The following APBA2 variants were observed in gnomAD, a reference collection of about 807,000 sequenced individuals.
The protein encoded by APBA2 is amyloid beta precursor protein binding family A member 2.
Under a neutral mutation model 75.0 loss-of-function variants are expected in APBA2, and 30 were observed. The observed-to-expected ratio is 0.40, with a 90% CI of 0.30 to 0.54. The LOEUF is 0.54. APBA2 is among the 20% of genes least tolerant of loss of function. APBA2 has a pLI of 0.49. For missense variants in APBA2, 801 were observed against 1,016.1 expected (o/e 0.79, Z 2.88); for synonymous variants, 444 against 409.6 (o/e 1.08, Z -1.01).
intron 3 of APBA2, among the ~76,000 whole-genome samples, chr15:29,028,234 T>C (rs947290458): frequency 6.6e-6 from 1 of 152,102 alleles, no homozygotes; most frequent in Non-Finnish European, 1.5e-5. Context: ...CTCCCACTTA[T>C]AAGTGAGAAC....
At chr15:28,896,628 A>C (rs1391202458) in intron 1 of APBA2, among the ~76,000 whole-genome samples, 1 of 152,126 alleles carries the variant, frequency 6.6e-6, no homozygotes, top group East Asian at 1.9e-4. Context: ...TATTTAATCC[A>C]TTGTGTTTCA....
chr15:29,074,867 A>G (rs1324248755), intron 4 of APBA2, 54 bp from the exon 5 acceptor site: 2 of 1,552,626 alleles, frequency 1.3e-6, no homozygotes, highest in Non-Finnish European at 1.8e-6. Context: ...CAGGTTTTGC[A>G]TCTTGCATTT....
In APBA2 at chr15:28,980,785, C is replaced by G. The variant is rs72716206; in HGVS notation, c.-94-14968C>G. Among the ~76,000 whole-genome samples, 264 of 152,312 alleles carry G rather than the reference C, an allele frequency of 1.7e-3. 2 individuals carry two copies. The highest frequency in any genetic ancestry group is 3.4e-3 in the Non-Finnish European group (228 of 68,024). ...GAGGCACCAATTACCAAACTTCAAA[C>G]TATACTACGAGGCTGCAGTAACCAA... On this transcript the variant is annotated intron_variant, in intron 2 of 14. Coordinates refer to ENST00000683413, the MANE Select transcript of APBA2 (RefSeq NM_001353788.2).
intron 1 of APBA2, among the ~76,000 whole-genome samples, chr15:28,915,969 T>C (rs1387163470): frequency 6.6e-6 from 1 of 152,080 alleles, no homozygotes; most frequent in Non-Finnish European, 1.5e-5. Context: ...ACATACTCTG[T>C]ATCTGACGCA....
At chr15:29,060,548 T>G (rs1814512125) in intron 4 of APBA2, among the ~76,000 whole-genome samples, 1 of 152,136 alleles carries the variant, frequency 6.6e-6, no homozygotes, top group African/African-American at 2.4e-5. Context: ...TTCTCCTCTG[T>G]TGTCTGTTTC....
In APBA2 at chr15:29,108,533, T is replaced by A. The variant is rs1025149105; in HGVS notation, c.2037+144T>A. On this transcript the variant is annotated intron_variant, in intron 13 of 14. Coordinates refer to ENST00000683413, the MANE Select transcript of APBA2 (RefSeq NM_001353788.2). ...TGCAGCTGCCCACAGCCAGGCCACC[T>A]GGGGCAGGAACTTTCCATGGCTCTC... The A allele has an allele frequency of 3.8e-6, 5 of 1,320,196 alleles. No individual in the cohort carries two copies. The African/African-American group carries it at 4.3e-5, about 11-fold the overall frequency. 81.8% of individuals were successfully genotyped at this position (1,320,196 alleles called of 1,614,324 possible). A position where few individuals can be genotyped will look rare whatever the true frequency, so the allele number is the denominator to read the frequency against.
At chr15:29,026,804 C>T (rs1316652270) in intron 3 of APBA2, among the ~76,000 whole-genome samples, 1 of 152,108 alleles carries the variant, frequency 6.6e-6, no homozygotes, top group Non-Finnish European at 1.5e-5. Flanking sequence ...GCCCATACTC[C>T]CAGCTACTCA....
chr15:29,115,000 G>A (rs1176244640), intron 14 of APBA2, among the ~76,000 whole-genome samples: 1 of 151,784 alleles, frequency 6.6e-6, no homozygotes, highest in Non-Finnish European at 1.5e-5. Flanking sequence ...GTGTGAGTGG[G>A]TGTGTCTGTG....
chr15:29,117,994 C>T lies in APBA2; in HGVS notation c.*861C>T, dbSNP rs571183847. 92 of 152,644 alleles carry T rather than the reference C, an allele frequency of 6.0e-4. No individual in the cohort carries two copies. The highest frequency in any genetic ancestry group is 2.2e-3 in the African/African-American group (91 of 41,570). 9.5% of individuals were successfully genotyped at this position (152,644 alleles called of 1,614,324 possible). Reference sequence around the variant, plus strand: ...CCACTCTAGAAAACGCGACCTTGGCCGCACCTAAAGCAGCCAGCCGTGAGT... The same window carrying T: ...CCACTCTAGAAAACGCGACCTTGGCTGCACCTAAAGCAGCCAGCCGTGAGT... On this transcript the variant is annotated 3_prime_UTR_variant, in exon 15 of 15. Transcript: ENST00000683413.
intron 4 of APBA2, chr15:29,070,940 G>C: frequency 2.6e-6 from 1 of 389,282 alleles, no homozygotes; most frequent in Non-Finnish European, 5.1e-6. Context: ...CTCTGTCACA[G>C]GGTTACGTTT....
chr15:28,983,444 C>A (rs1171614659), intron 2 of APBA2, among the ~76,000 whole-genome samples: 1 of 152,182 alleles, frequency 6.6e-6, no homozygotes, highest in Admixed American at 6.5e-5. Context: ...CCATGCGTGA[C>A]AATTCTGTGT....
Position 29,101,644 on chromosome 15 carries a change from G to A in APBA2, c.1384G>A (p.Asp462Asn), listed in dbSNP as rs1351720611. 2 of 1,613,600 alleles carry A rather than the reference G, an allele frequency of 1.2e-6. No individual in the cohort carries two copies. The highest frequency in any genetic ancestry group is 1.3e-5 in the African/African-American group (1 of 74,930). Residue 462 changes from aspartate to asparagine, a missense_variant, in exon 10 of 15, where the codon GAC (aspartate) becomes AAC (asparagine). This residue lies in a region of APBA2 where 367 missense variants were observed against 544.5 expected (regional missense o/e 0.67). Coordinates refer to ENST00000683413, the MANE Select transcript of APBA2 (RefSeq NM_001353788.2). ...CTTGCGTACCATCTCCTACATCGCC[G>A]ACATTGGGAACATTGTAGTGCTGAT... ...HALRTISYIA[D>N]IGNIVVLMAR...
chr15:29,075,065 C>A (rs551513792), intron 5 of APBA2, 64 bp downstream of exon 5: 11 of 1,172,810 alleles, frequency 9.4e-6, no homozygotes, highest in Admixed American at 3.7e-5. Context: ...AGTGGCCCAC[C>A]GAGTTGTGGT....
chr15:29,020,538 G>C (rs2039899429), intron 3 of APBA2, among the ~76,000 whole-genome samples: 1 of 151,960 alleles, frequency 6.6e-6, no homozygotes, highest in South Asian at 2.1e-4. Context: ...GGGTGCTGTG[G>C]CTCACGCCCG....
chr15:29,036,850 T>C (rs1328337536), intron 3 of APBA2, among the ~76,000 whole-genome samples: 1 of 152,052 alleles, frequency 6.6e-6, no homozygotes, highest in East Asian at 1.9e-4. Context: ...TGAGACCCTG[T>C]TTCTATAAAA....
chr15:29,039,840 T>C (rs17748759), intron 3 of APBA2, among the ~76,000 whole-genome samples: 32,323 of 152,092 alleles, frequency 0.21, 4,340 homozygotes, highest in East Asian at 0.45. Context: ...CCCACTATCG[T>C]CCATTCCACT....
In APBA2 at chr15:29,050,428, G is replaced by A. The variant is rs572708484; in HGVS notation, c.-40-3417G>A. On this transcript the variant is annotated intron_variant, in intron 3 of 14. Coordinates refer to ENST00000683413, the MANE Select transcript of APBA2 (RefSeq NM_001353788.2). ...AAGAGAAAGAAATGCAAAAAGTATA[G>A]GAAGCAGTGGTAAGTTATGAATTGA... Among the ~76,000 whole-genome samples, 301 of 152,282 alleles carry A rather than the reference G, an allele frequency of 2.0e-3. 1 individual carries two copies. The highest frequency in any genetic ancestry group is 6.4e-3 in the South Asian group (31 of 4,824).
chr15:28,951,958 G>A (rs1431159505), intron 2 of APBA2, among the ~76,000 whole-genome samples: 1 of 129,232 alleles, frequency 7.7e-6, no homozygotes, highest in Non-Finnish European at 1.5e-5. Flanking sequence ...GCACAATCTT[G>A]TCTCACTGTA....
chr15:28,921,096 G>C (rs1042556642), intron 1 of APBA2, among the ~76,000 whole-genome samples: 2 of 152,120 alleles, frequency 1.3e-5, no homozygotes, highest in Admixed American at 1.3e-4. Context: ...AGTGTATTTG[G>C]TAGAACATCC....
Sources: gnomAD v4.1 joint callset for allele counts (sites outside exome capture counted in the v4.1 genomes callset) on GRCh38, gnomAD v4.1.1 for gene constraint, gnomAD v4.1.1 regional missense constraint, MANE v1.5 for transcripts, NCBI Gene and HGNC (gene_info 2026-07-23, HGNC 2026-07-21) for gene names.